DLG2: variants seen among roughly 807,000 people sequenced by gnomAD.
DLG2 encodes the protein discs large MAGUK scaffold protein 2.
DLG2 carries 45 observed loss-of-function variants against 132.5 expected under a neutral mutation model. The observed-to-expected ratio is 0.34, with a 90% confidence interval of 0.27 to 0.44. The LOEUF is 0.44. Ranked by LOEUF, DLG2 falls within the 20% of genes least tolerant of loss-of-function variation. The pLI, the probability that DLG2 is intolerant of heterozygous loss-of-function variation, is 1.00. For synonymous variants in DLG2, 424 were observed against 419.6 expected (o/e 1.01, Z -0.13); for missense variants, 1,045 against 1,196.9 (o/e 0.87, Z 1.87).
At chr11:85,510,934 G>T (rs1451513487) in intron 3 of DLG2, among the ~76,000 whole-genome samples, 2 of 152,230 alleles carry the variant, frequency 1.3e-5, no homozygotes, top group African/African-American at 4.8e-5. Flanking sequence ...TATGTTTATT[G>T]TGGCACTATT....
intron 3 of DLG2, among the ~76,000 whole-genome samples, chr11:85,468,202 T>C (rs1265326050): frequency 1.3e-5 from 2 of 152,134 alleles, no homozygotes; most frequent in African/African-American, 2.4e-5. Context: ...TCTTCTCTCC[T>C]TTCTTCTTTA....
intron 18 of DLG2, among the ~76,000 whole-genome samples, chr11:83,781,627 G>T (rs1274108276): frequency 6.6e-6 from 1 of 152,138 alleles, no homozygotes; most frequent in African/African-American, 2.4e-5. Flanking sequence ...TTTTCTACCT[G>T]CAGGCCATTC....
chr11:83,665,134 A>G (rs1389035541), intron 18 of DLG2, among the ~76,000 whole-genome samples: 1 of 152,244 alleles, frequency 6.6e-6, no homozygotes, highest in Non-Finnish European at 1.5e-5. Flanking sequence ...TGTGCCTGTA[A>G]GAGATGACTG....
At chr11:83,780,300 C>A (rs2094761520) in intron 18 of DLG2, among the ~76,000 whole-genome samples, 1 of 152,118 alleles carries the variant, frequency 6.6e-6, no homozygotes, top group African/African-American at 2.4e-5. Context: ...ATATCTTTGA[C>A]CCCATAGAGA....
intron 8 of DLG2, among the ~76,000 whole-genome samples, chr11:84,209,531 T>A (rs2096722501): frequency 1.3e-5 from 2 of 152,178 alleles, no homozygotes; most frequent in South Asian, 4.1e-4. Context: ...TAATATGTTA[T>A]CAATGTGAAA....
chr11:85,405,080 A>G (rs1264437972), intron 3 of DLG2, among the ~76,000 whole-genome samples: 1 of 151,926 alleles, frequency 6.6e-6, no homozygotes, highest in East Asian at 1.9e-4. Context: ...ATGACATTCT[A>G]TTTGGTCAGG....
At chr11:84,015,571 T>C (rs1216071565) in intron 11 of DLG2, among the ~76,000 whole-genome samples, 1 of 152,136 alleles carries the variant, frequency 6.6e-6, no homozygotes, top group Non-Finnish European at 1.5e-5. Context: ...GTGTGTCTTG[T>C]TTCCCCCCAT....
intron 8 of DLG2, among the ~76,000 whole-genome samples, chr11:84,198,512 T>C (rs1345387412): frequency 1.3e-5 from 2 of 152,122 alleles, no homozygotes; most frequent in Admixed American, 6.5e-5. Flanking sequence ...CACAAGGAAA[T>C]AAATACTATT....
At chr11:84,428,449 A>C (rs899295678) in intron 7 of DLG2, among the ~76,000 whole-genome samples, 2 of 152,190 alleles carry the variant, frequency 1.3e-5, no homozygotes, top group Admixed American at 1.3e-4. Context: ...TAAACAAAAG[A>C]AATTTATTTT....
intron 6 of DLG2, among the ~76,000 whole-genome samples, chr11:84,899,944 G>A (rs2090686784): frequency 6.6e-6 from 1 of 152,008 alleles, no homozygotes; most frequent in Admixed American, 6.6e-5. Flanking sequence ...GCACTCAATA[G>A]TACCTTAGTG....
intron 6 of DLG2, among the ~76,000 whole-genome samples, chr11:84,604,437 C>T (rs923494650): frequency 6.6e-6 from 1 of 151,694 alleles, no homozygotes; most frequent in Non-Finnish European, 1.5e-5. Context: ...TTATGTAGGG[C>T]TTTATAAGTC....
intron 6 of DLG2, among the ~76,000 whole-genome samples, chr11:84,670,127 T>C (rs1271077371): frequency 1.3e-5 from 2 of 152,132 alleles, no homozygotes; most frequent in African/African-American, 2.4e-5. Flanking sequence ...TTGAATGAGA[T>C]ATAAAGAGAA....
intron 6 of DLG2, among the ~76,000 whole-genome samples, chr11:84,784,348 A>AT (rs1416994739): frequency 1.6e-3 from 231 of 146,790 alleles, no homozygotes; most frequent in Non-Finnish European, 2.8e-3. Context: ...AAATAAATAA[A>AT]TAAATAAATA....
At chr11:84,093,961 T>A (rs2097132627) in intron 10 of DLG2, among the ~76,000 whole-genome samples, 1 of 151,696 alleles carries the variant, frequency 6.6e-6, no homozygotes, top group South Asian at 2.1e-4. Context: ...TCTTTTTTTT[T>A]TTATTTTTTA....
intron 7 of DLG2, among the ~76,000 whole-genome samples, chr11:84,420,645 G>GTTT (rs1567588759): frequency 4.5e-4 from 22 of 48,944 alleles, no homozygotes; most frequent in Admixed American, 9.5e-4. Context: ...ACCAATGCTT[G>GTTT]TTTTCTTTTT....
chr11:85,354,320 C>G (rs1417433065), intron 3 of DLG2, among the ~76,000 whole-genome samples: 1 of 152,074 alleles, frequency 6.6e-6, no homozygotes, highest in South Asian at 2.1e-4. Context: ...CTCCTATACA[C>G]CAACCACACT....
At chr11:85,075,134 C>T (rs530128056) in intron 6 of DLG2, among the ~76,000 whole-genome samples, 1 of 151,740 alleles carries the variant, frequency 6.6e-6, no homozygotes, top group African/African-American at 2.4e-5. Flanking sequence ...CTAAAAAGAC[C>T]GGTACAAATT....
At chr11:84,770,681 C>T (rs1005170843) in intron 6 of DLG2, among the ~76,000 whole-genome samples, 3 of 150,084 alleles carry the variant, frequency 2.0e-5, no homozygotes, top group African/African-American at 2.4e-5. Flanking sequence ...TGCTCTGTCG[C>T]TCAGGCTGGA....
At position 85,273,413 on chromosome 11, in the gene DLG2, A is replaced by T. The variant is rs553030299; in HGVS notation, c.186+11807T>A. 2.0e-5 allele frequency among the ~76,000 whole-genome samples: 3 copies of T among 152,288 alleles called. No individual in the cohort carries two copies. The East Asian group carries it at 5.8e-4, about 29-fold the overall frequency. ...GAACTTAAAAAAATTTACAAGAAAAAATCAAACAACCCCATCAAAAAGTGG... is the reference window on the plus strand; with the variant it reads ...GAACTTAAAAAAATTTACAAGAAAATATCAAACAACCCCATCAAAAAGTGG... On this transcript the variant is annotated intron_variant, in intron 4 of 27. Coordinates refer to ENST00000376104, the MANE Select transcript of DLG2 (RefSeq NM_001142699.3).
Sources: gnomAD v4.1 joint callset for allele counts (sites outside exome capture counted in the v4.1 genomes callset) on GRCh38, gnomAD v4.1.1 for gene constraint, MANE v1.5 for transcripts, NCBI Gene and HGNC (gene_info 2026-07-23, HGNC 2026-07-21) for gene names.